CEACAM18: variants seen among roughly 807,000 people sequenced by gnomAD.
The protein encoded by CEACAM18 is cell adhesion molecule CEACAM18.
In CEACAM18, 33 loss-of-function variants were observed where a neutral mutation model predicts 34.3. The observed-to-expected ratio is 0.96, with a 90% CI of 0.73 to 1.29. The LOEUF (loss-of-function observed/expected upper bound fraction) is 1.29, where lower values mean the gene tolerates loss of function less well. CEACAM18 is among the 50% of genes most tolerant of loss of function. CEACAM18 has a pLI of 0.00. For missense variants in CEACAM18, 474 were observed against 485.0 expected, an observed-to-expected ratio of 0.98 and a Z score of 0.21; for synonymous variants, 169 against 180.9, an observed-to-expected ratio of 0.93 and a Z score of 0.53.
chr19:51,485,803 G>A (rs1343702319), intron 5 of CEACAM18, among the ~76,000 whole-genome samples: 1 of 152,222 alleles, frequency 6.6e-6, no homozygotes, highest in East Asian at 1.9e-4. Context: ...TAGTAAGGCT[G>A]TCCTGTGCAT....
intron 3 of CEACAM18, among the ~76,000 whole-genome samples, chr19:51,482,639 G>A (rs1335318122): frequency 1.3e-5 from 2 of 152,106 alleles, no homozygotes; most frequent in Non-Finnish European, 2.9e-5. Flanking sequence ...CCTCTCCTCC[G>A]AGCCTCATTG....
At chr19:51,483,170 T>A in exon 4 of CEACAM18, 1 of 1,613,952 alleles carries the variant, frequency 6.2e-7, no homozygotes, top group Non-Finnish European at 8.5e-7. Flanking sequence ...CTCCTGAACT[T>A]CTCAGATGCA....
intron 3 of CEACAM18, among the ~76,000 whole-genome samples, chr19:51,482,180 T>C (rs188652936): frequency 2.0e-5 from 3 of 152,152 alleles, no homozygotes; most frequent in Admixed American, 1.3e-4. Flanking sequence ...TTTTTTTTTA[T>C]AGCCTTTTAG....
chr19:51,488,746 G>A (rs1231802847), intron 5 of CEACAM18, among the ~76,000 whole-genome samples: 1 of 152,148 alleles, frequency 6.6e-6, no homozygotes. Context: ...TTTGGAGTGG[G>A]GCAGGGAACT....
At chr19:51,478,553 CTG>C (rs1337986510), upstream of CEACAM18, 1 of 1,210,434 alleles carries the variant, frequency 8.3e-7, no homozygotes, top group African/African-American at 1.5e-5. Flanking sequence ...CCGGCAGCCT[CTG>C]TGCCAGGAGA....
chr19:51,486,845 G>A (rs1168216227), intron 5 of CEACAM18, among the ~76,000 whole-genome samples: 1 of 150,246 alleles, frequency 6.7e-6, no homozygotes, highest in Non-Finnish European at 1.5e-5. Context: ...AGCCTCCCAA[G>A]TAGCCAGGAC....
At chr19:51,479,831 T>C (rs187410771) in intron 1 of CEACAM18, among the ~76,000 whole-genome samples, 1 of 152,216 alleles carries the variant, frequency 6.6e-6, no homozygotes, top group Non-Finnish European at 1.5e-5. Context: ...AGCGTGGCAG[T>C]CATGTCTTCT....
At chr19:51,484,317 GC>G (rs1989965426) in intron 4 of CEACAM18, among the ~76,000 whole-genome samples, 1 of 142,022 alleles carries the variant, frequency 7.0e-6, no homozygotes, top group African/African-American at 2.6e-5. Context: ...AGCTGGGGAA[GC>G]TTTTTTTTTT....
intron 3 of CEACAM18, 26 bp downstream of exon 3, chr19:51,481,691 G>A: frequency 6.3e-7 from 1 of 1,599,210 alleles, no homozygotes; most frequent in Non-Finnish European, 8.5e-7. Context: ...TCCTGGGACT[G>A]AAGCCAGGGC....
At chr19:51,483,777 A>G (rs1989957445) in intron 4 of CEACAM18, among the ~76,000 whole-genome samples, 1 of 152,220 alleles carries the variant, frequency 6.6e-6, no homozygotes, top group African/African-American at 2.4e-5. Flanking sequence ...ATGAGGAATT[A>G]GAAAGACGCA....
At chr19:51,481,785 A>C (rs1989921071) in intron 3 of CEACAM18, 120 bp downstream of exon 3, 1 of 1,043,874 alleles carries the variant, frequency 9.6e-7, no homozygotes, top group African/African-American at 1.6e-5. Context: ...GCCTGCAGCC[A>C]GCTCACTCTG....
intron 5 of CEACAM18, among the ~76,000 whole-genome samples, chr19:51,485,712 C>G (rs940187878): frequency 6.6e-6 from 1 of 152,206 alleles, no homozygotes; most frequent in Non-Finnish European, 1.5e-5. Flanking sequence ...TTGCAGCATT[C>G]TCAGCATAGA....
intron 3 of CEACAM18, among the ~76,000 whole-genome samples, chr19:51,482,768 T>A (rs548026409): frequency 3.6e-4 from 55 of 152,362 alleles, no homozygotes; most frequent in Non-Finnish European, 5.9e-5. Context: ...GTAGGCCCCA[T>A]GTGTTGGCTT....
chr19:51,478,692 T>C (rs75588884), exon 1 of CEACAM18: 30,246 of 1,454,186 alleles, frequency 0.021, 578 homozygotes, highest in Middle Eastern at 0.11. Context: ...GTCTTCCTCA[T>C]GGGTAAGAGA....
intron 5 of CEACAM18, among the ~76,000 whole-genome samples, chr19:51,485,721 G>A (rs1363831044): frequency 6.6e-6 from 1 of 152,216 alleles, no homozygotes; most frequent in East Asian, 1.9e-4. Context: ...TCTCAGCATA[G>A]AGTAGACCAG....
chr19:51,486,614 A>G (rs1225565991), intron 5 of CEACAM18, among the ~76,000 whole-genome samples: 2 of 152,106 alleles, frequency 1.3e-5, no homozygotes, highest in Non-Finnish European at 2.9e-5. Context: ...GCCTAGTGAC[A>G]GCTCAGTCCT....
chr19:51,490,721 C>T, exon 6 of CEACAM18: 1 of 885,350 alleles, frequency 1.1e-6, no homozygotes, highest in Non-Finnish European at 1.5e-6. Flanking sequence ...TCCAGGGTCT[C>T]TTTGGAGGGT....
At chr19:51,484,156 G>A (rs1989962994) in intron 4 of CEACAM18, among the ~76,000 whole-genome samples, 1 of 152,130 alleles carries the variant, frequency 6.6e-6, no homozygotes, top group Non-Finnish European at 1.5e-5. Context: ...AAGTACAGAA[G>A]ACATTACAGG....
intron 1 of CEACAM18, among the ~76,000 whole-genome samples, chr19:51,479,172 A>C (rs1371190932): frequency 6.6e-6 from 1 of 151,530 alleles, no homozygotes; most frequent in African/African-American, 2.4e-5. Flanking sequence ...CTACAAGCAC[A>C]ACTGTCCTGC....
Sources: gnomAD v4.1 joint callset for allele counts (sites outside exome capture counted in the v4.1 genomes callset) on GRCh38, gnomAD v4.1.1 for gene constraint, MANE v1.5 for transcripts, NCBI Gene and HGNC (gene_info 2026-07-23, HGNC 2026-07-21) for gene names.